Variants in NTM observed in about 807,000 individuals in gnomAD.
NTM encodes neurotrimin.
In NTM, 13 loss-of-function variants were observed where a neutral mutation model predicts 42.1. The observed-to-expected ratio is 0.31, with a 90% CI of 0.20 to 0.49. NTM has a LOEUF of 0.49. Among genes scored for constraint, NTM ranks in the 20% least tolerant of loss-of-function variants. The pLI is 0.99. For synonymous variants in NTM, 187 were observed against 179.2 expected (o/e 1.04, Z -0.35); for missense variants, 373 against 452.8 (o/e 0.82, Z 1.60).
chr11:131,459,078 C>G (rs764827934), intron 1 of NTM, among the ~76,000 whole-genome samples: 1 of 152,180 alleles, frequency 6.6e-6, no homozygotes, highest in Admixed American at 6.5e-5. Context: ...ATGTGAATAC[C>G]ACCTCTCCAT....
At chr11:132,319,708 C>T (rs745792450) in intron 7 of NTM, among the ~76,000 whole-genome samples, 2 of 152,216 alleles carry the variant, frequency 1.3e-5, no homozygotes, top group Non-Finnish European at 2.9e-5. Context: ...AGCACAGACA[C>T]AAAAGACAGC....
At chr11:131,455,810 G>A (rs1031326995) in intron 1 of NTM, among the ~76,000 whole-genome samples, 6 of 152,184 alleles carry the variant, frequency 3.9e-5, no homozygotes, top group Non-Finnish European at 7.3e-5. Flanking sequence ...AACTTGGCAC[G>A]TCACCTCTGT....
chr11:131,983,167 C>T (rs181101919), intron 2 of NTM, among the ~76,000 whole-genome samples: 1 of 152,068 alleles, frequency 6.6e-6, no homozygotes, highest in Non-Finnish European at 1.5e-5. Context: ...TTTATCTTGA[C>T]CTCAGTAGAT....
chr11:131,683,765 G>A (rs150619045), intron 1 of NTM, among the ~76,000 whole-genome samples: 3 of 152,216 alleles, frequency 2.0e-5, no homozygotes, highest in Admixed American at 6.5e-5. Context: ...CAAAGAGCAG[G>A]TGGCTGGAAG....
intron 4 of NTM, among the ~76,000 whole-genome samples, chr11:132,232,068 A>C (rs1314306678): frequency 6.6e-6 from 1 of 152,172 alleles, no homozygotes; most frequent in Admixed American, 6.5e-5. Flanking sequence ...GAGACACAAA[A>C]GGGAATTAAA....
chr11:131,803,400 C>T (rs1027513699), intron 1 of NTM, among the ~76,000 whole-genome samples: 8 of 152,000 alleles, frequency 5.3e-5, no homozygotes. Flanking sequence ...GCTCTGCCTC[C>T]TGGGTTCAAG....
At chr11:131,901,211 C>A (rs1035363189) in intron 1 of NTM, among the ~76,000 whole-genome samples, 2 of 152,194 alleles carry the variant, frequency 1.3e-5, no homozygotes, top group African/African-American at 2.4e-5. Context: ...GAGGTGAGAA[C>A]ATTTTCCAAG....
intron 1 of NTM, among the ~76,000 whole-genome samples, chr11:131,627,469 G>A (rs958083157): frequency 5.9e-5 from 9 of 152,090 alleles, no homozygotes; most frequent in Non-Finnish European, 1.2e-4. Flanking sequence ...TTGATGGCCA[G>A]GCAAGGACCT....
intron 1 of NTM, among the ~76,000 whole-genome samples, chr11:131,516,218 G>A (rs2048869832): frequency 6.6e-6 from 1 of 152,194 alleles, no homozygotes; most frequent in African/African-American, 2.4e-5. Flanking sequence ...CAATGGTCCT[G>A]TGTAGCAGAG....
At chr11:132,087,242 A>T (rs981790723) in intron 2 of NTM, among the ~76,000 whole-genome samples, 4 of 152,056 alleles carry the variant, frequency 2.6e-5, no homozygotes, top group African/African-American at 9.7e-5. Context: ...AGAGGGTAGG[A>T]TTATCCACTT....
intron 2 of NTM, among the ~76,000 whole-genome samples, chr11:132,048,250 C>T (rs919446532): frequency 6.6e-6 from 1 of 152,184 alleles, no homozygotes; most frequent in Admixed American, 6.5e-5. Context: ...CAATACCCCC[C>T]ATGCCGCCAC....
chr11:131,400,866 A>G (rs949605260), intron 1 of NTM, among the ~76,000 whole-genome samples: 1 of 152,110 alleles, frequency 6.6e-6, no homozygotes, highest in Non-Finnish European at 1.5e-5. Flanking sequence ...TGAGCTTTGA[A>G]TAAAACCACT....
At chr11:132,252,142 A>T (rs3099799) in intron 4 of NTM, among the ~76,000 whole-genome samples, 47 of 151,662 alleles carry the variant, frequency 3.1e-4, no homozygotes, top group Non-Finnish European at 5.6e-4. Flanking sequence ...CTGGCCGCTC[A>T]GCGTCAGTTC....
At chr11:131,940,705 G>A (rs1415338775) in intron 2 of NTM, among the ~76,000 whole-genome samples, 1 of 152,188 alleles carries the variant, frequency 6.6e-6, no homozygotes, top group Non-Finnish European at 1.5e-5. Context: ...TAGGTTTATG[G>A]AATATTTGAA....
At chr11:131,985,846 A>G (rs1406508881) in intron 2 of NTM, among the ~76,000 whole-genome samples, 3 of 152,202 alleles carry the variant, frequency 2.0e-5, no homozygotes, top group South Asian at 2.1e-4. Context: ...TCCACCACAT[A>G]TAACTGTTGT....
intron 4 of NTM, among the ~76,000 whole-genome samples, chr11:132,229,447 G>A (rs889600838): frequency 1.3e-5 from 2 of 152,104 alleles, no homozygotes; most frequent in Non-Finnish European, 2.9e-5. Flanking sequence ...TACTGAAGGC[G>A]TTACTAAATT....
chr11:131,985,327 G>A (rs1593413148), intron 2 of NTM, among the ~76,000 whole-genome samples: 1 of 152,138 alleles, frequency 6.6e-6, no homozygotes, highest in South Asian at 2.1e-4. Flanking sequence ...GACACCCATT[G>A]CCCAAGTGCA....
intron 2 of NTM, among the ~76,000 whole-genome samples, chr11:132,053,910 G>A (rs918768056): frequency 4.6e-5 from 7 of 152,184 alleles, no homozygotes; most frequent in Non-Finnish European, 1.0e-4. Context: ...AGTAGCAGAT[G>A]TAGTGGTCAC....
chr11:131,507,915 C>T (rs1029790676), intron 1 of NTM, among the ~76,000 whole-genome samples: 5 of 152,014 alleles, frequency 3.3e-5, no homozygotes, highest in Admixed American at 2.6e-4. Flanking sequence ...TTTGTTAGAC[C>T]TAAAACCATA....
Sources: allele counts gnomAD v4.1 joint callset (sites outside exome capture counted in the v4.1 genomes callset), GRCh38; gene constraint gnomAD v4.1.1; transcripts MANE v1.5; gene names NCBI Gene and HGNC (gene_info 2026-07-23, HGNC 2026-07-21).